The following GPHN variants were observed in gnomAD, a reference collection of about 807,000 sequenced individuals.
The protein encoded by GPHN is gephyrin.
GPHN carries 17 observed loss-of-function variants against 95.5 expected under a neutral mutation model. The ratio of observed to expected loss-of-function variants is 0.18; its 90% CI spans 0.12 to 0.27. The LOEUF is 0.27. GPHN is among the 10% of genes least tolerant of loss of function. GPHN has a pLI of 1.00. For missense variants in GPHN, 660 were observed against 978.1 expected (o/e 0.67, Z 4.34); for synonymous variants, 320 against 322.5 (o/e 0.99, Z 0.08).
chr14:67,577,233 C>T, the GPHN span: 6 of 932,766 alleles, frequency 6.4e-6, no homozygotes, highest in African/African-American at 1.6e-5. Flanking sequence ...TTAAAGATGG[C>T]GGTGAGTGGG....
intron 2 of GPHN, among the ~76,000 whole-genome samples, chr14:66,710,769 A>G (rs1277049745): frequency 2.6e-5 from 4 of 152,298 alleles, no homozygotes; most frequent in African/African-American, 9.6e-5. Flanking sequence ...TTTTTAACCT[A>G]TGTGCCTCAC....
At chr14:66,806,082 T>A (rs2060529731) in intron 3 of GPHN, among the ~76,000 whole-genome samples, 1 of 152,080 alleles carries the variant, frequency 6.6e-6, no homozygotes, top group Non-Finnish European at 1.5e-5. Flanking sequence ...TAGATGGCGG[T>A]TCCCAAACCT....
At chr14:66,707,062 AAAAAC>A (rs897590144) in intron 2 of GPHN, among the ~76,000 whole-genome samples, 11 of 152,100 alleles carry the variant, frequency 7.2e-5, no homozygotes, top group African/African-American at 2.7e-4. Context: ...GAAAAAAAAA[AAAAAC>A]AACATCACTG....
chr14:67,651,497 AAGTGGGGAGT>A, the GPHN span: 5 of 1,612,762 alleles, frequency 3.1e-6, no homozygotes, highest in Non-Finnish European at 4.2e-6. Flanking sequence ...AAGAGAAGCA[AAGTGGGGAGT>A]AGTCAGAAGT....
At chr14:67,371,687 C>G in the GPHN span, among the ~76,000 whole-genome samples, 1 of 152,066 alleles carries the variant, frequency 6.6e-6, no homozygotes, top group South Asian at 2.1e-4. Context: ...AGAAAAGATA[C>G]AGTAAAAATA....
chr14:66,508,584 C>T lies in GPHN; in HGVS notation c.57C>T (p.Val19=), dbSNP rs779084451. The T allele has an allele frequency of 6.2e-7, 1 of 1,613,498 alleles. No individual in the cohort carries two copies. The highest frequency in any genetic ancestry group is 8.5e-7 in the Non-Finnish European group (1 of 1,179,402). ...ACGACCATCAAATCCGTGTCGGAGT[C>T]CTTACAGGTAACCGGGGGAGGAGGT... ...TNHDHQIRVG[V]LTVSDSCFRN... The change falls in exon 1 of 23, where the codon GTC becomes GTT. Residue 19 remains valine (V), a synonymous_variant. Transcript: ENST00000478722.
chr14:66,987,603 A>G (rs1391947595), intron 9 of GPHN, among the ~76,000 whole-genome samples: 2 of 152,100 alleles, frequency 1.3e-5, no homozygotes, highest in Non-Finnish European at 2.9e-5. Flanking sequence ...GTCAAATTTC[A>G]TAATATTTAA....
At chr14:67,683,617 A>T in the GPHN span, among the ~76,000 whole-genome samples, 1 of 152,238 alleles carries the variant, frequency 6.6e-6, no homozygotes, top group African/African-American at 2.4e-5. Context: ...TCAAAAGAGT[A>T]AAAATGAAGG....
At chr14:66,697,350 T>C (rs1156628456) in intron 2 of GPHN, among the ~76,000 whole-genome samples, 1 of 152,230 alleles carries the variant, frequency 6.6e-6, no homozygotes, top group Non-Finnish European at 1.5e-5. Flanking sequence ...GTATCAGGTT[T>C]TGTGAACTTC....
At chr14:66,828,494 AG>A (rs2061462263) in intron 4 of GPHN, among the ~76,000 whole-genome samples, 1 of 152,126 alleles carries the variant, frequency 6.6e-6, no homozygotes, top group South Asian at 2.1e-4. Flanking sequence ...TTTTTAAATG[AG>A]GTCAGAAGTT....
At chr14:67,366,888 G>C in the GPHN span, among the ~76,000 whole-genome samples, 1 of 140,484 alleles carries the variant, frequency 7.1e-6, no homozygotes, top group Non-Finnish European at 1.5e-5. Flanking sequence ...AGTACATGCT[G>C]AAGACAGCTT....
the GPHN span, among the ~76,000 whole-genome samples, chr14:67,436,047 C>T: frequency 6.6e-6 from 1 of 152,240 alleles, no homozygotes; most frequent in Non-Finnish European, 1.5e-5. Flanking sequence ...GGCTTACTTC[C>T]CTTAGGGCTG....
chr14:66,997,387 A>T (rs1486770124), intron 9 of GPHN, among the ~76,000 whole-genome samples: 1 of 144,426 alleles, frequency 6.9e-6, no homozygotes, highest in Non-Finnish European at 1.5e-5. Context: ...AAAAAAAAAA[A>T]GGACTTCAGT....
chr14:66,810,875 C>G (rs1233165703), intron 3 of GPHN, among the ~76,000 whole-genome samples: 2 of 152,202 alleles, frequency 1.3e-5, no homozygotes, highest in Non-Finnish European at 2.9e-5. Context: ...GTACCCAAGT[C>G]TGTCTTACTC....
intron 14 of GPHN, 27 bp downstream of exon 14, chr14:67,110,286 C>T (rs1204239572): frequency 6.2e-7 from 1 of 1,611,586 alleles, no homozygotes; most frequent in Non-Finnish European, 8.5e-7. Context: ...TCTTACTGTG[C>T]TGTTGTTCCT....
chr14:67,340,456 GCT>G, the GPHN span: 2 of 1,613,426 alleles, frequency 1.2e-6, no homozygotes, highest in Non-Finnish European at 1.7e-6. Context: ...AACTCTTCTC[GCT>G]CTCTCTCATC....
At chr14:67,323,848 G>A in the GPHN span, 1 of 1,111,274 alleles carries the variant, frequency 9.0e-7, no homozygotes, top group South Asian at 1.4e-5. Context: ...TTCCATTGAA[G>A]GTAAACATGA....
intron 2 of GPHN, among the ~76,000 whole-genome samples, chr14:66,683,368 A>T (rs373607183): frequency 2.4e-3 from 17 of 7,158 alleles, no homozygotes; most frequent in South Asian, 5.0e-3. Flanking sequence ...ATATATATAT[A>T]TATATATATA....
At chr14:67,199,638 G>A in the GPHN span, 55 of 1,578,310 alleles carry the variant, frequency 3.5e-5, no homozygotes, top group South Asian at 1.3e-4. Flanking sequence ...GCAGCTGGAC[G>A]ACTTCTGGCA....
Sources: gnomAD v4.1 joint callset for allele counts (sites outside exome capture counted in the v4.1 genomes callset) on GRCh38, gnomAD v4.1.1 for gene constraint, MANE v1.5 for transcripts, NCBI Gene and HGNC (gene_info 2026-07-23, HGNC 2026-07-21) for gene names.